Variants in NTRK3 observed in about 807,000 individuals in gnomAD.
NTRK3 encodes NT-3 growth factor receptor.
In NTRK3, 24 loss-of-function variants were observed where a neutral mutation model predicts 91.7. That is an observed-to-expected ratio of 0.26 (90% confidence interval 0.19 to 0.37). The LOEUF (loss-of-function observed/expected upper bound fraction) is 0.37. Among genes scored for constraint, NTRK3 ranks in the 10% least tolerant of loss-of-function variants. The pLI is 1.00. For synonymous variants in NTRK3, 483 were observed against 404.0 expected, an observed-to-expected ratio of 1.20 and a Z score of -2.34; for missense variants, 880 against 1,068.9, an observed-to-expected ratio of 0.82 and a Z score of 2.46.
chr15:87,998,882 T>C (rs1386576403), intron 14 of NTRK3, among the ~76,000 whole-genome samples: 3 of 152,146 alleles, frequency 2.0e-5, no homozygotes, highest in Non-Finnish European at 4.4e-5. Flanking sequence ...TGGAAAGAAA[T>C]GCCTTGCTGG....
At chr15:88,163,549 T>C (rs1030517809) in intron 5 of NTRK3, among the ~76,000 whole-genome samples, 2 of 152,350 alleles carry the variant, frequency 1.3e-5, no homozygotes, top group Non-Finnish European at 2.9e-5. Context: ...ATGGAGGGAA[T>C]CCTGGAGTAA....
intron 17 of NTRK3, among the ~76,000 whole-genome samples, chr15:87,911,929 A>G (rs1024397280): frequency 4.6e-5 from 7 of 152,226 alleles, no homozygotes; most frequent in African/African-American, 1.7e-4. Flanking sequence ...TGTCAATCAA[A>G]GTTCTTGAGA....
At chr15:88,114,731 G>T (rs753935356) in intron 13 of NTRK3, among the ~76,000 whole-genome samples, 1 of 152,160 alleles carries the variant, frequency 6.6e-6, no homozygotes, top group Non-Finnish European at 1.5e-5. Context: ...CTAAGTAATG[G>T]TTATCCCAGT....
In NTRK3 at chr15:88,241,915, C is replaced by A. The variant is rs1466308935; in HGVS notation, c.248+13991G>T. On this transcript the variant is annotated intron_variant, in intron 3 of 18. Coordinates refer to ENST00000394480, the Ensembl canonical transcript of NTRK3. The surrounding 1 kb of genome is among the most constrained non-coding windows in gnomAD (Gnocchi z 4.3). ...AGAGTTGCTGCTCGGCTGCACACAT[C>A]CTAGAACGACAATGGAGACCTAGGG... 6.6e-6 allele frequency among the ~76,000 whole-genome samples: 1 copy of A among 152,192 alleles called. No individual in the cohort carries two copies. Among genetic ancestry groups the A allele is most frequent in the Non-Finnish European group, 1.5e-5 (1 of 68,036 alleles).
chr15:88,130,796 G>C (rs548576388), intron 10 of NTRK3, among the ~76,000 whole-genome samples: 31 of 152,314 alleles, frequency 2.0e-4, no homozygotes, highest in African/African-American at 6.3e-4. Context: ...ACTCAACGCA[G>C]TGTGTAATTC....
intron 17 of NTRK3, among the ~76,000 whole-genome samples, chr15:87,914,365 C>A (rs2067300342): frequency 6.6e-6 from 1 of 152,134 alleles, no homozygotes; most frequent in African/African-American, 2.4e-5. Flanking sequence ...GAATCAGATC[C>A]AGCTGGCTTT....
At chr15:87,948,294 T>C (rs1194057997) in intron 14 of NTRK3, among the ~76,000 whole-genome samples, 2 of 152,242 alleles carry the variant, frequency 1.3e-5, no homozygotes, top group African/African-American at 4.8e-5. Flanking sequence ...GAGGATCTCC[T>C]GGTTTCCTGT....
chr15:87,886,019 AC>A (rs368837606), intron 17 of NTRK3, among the ~76,000 whole-genome samples: 72 of 152,194 alleles, frequency 4.7e-4, no homozygotes, highest in African/African-American at 1.3e-3. Flanking sequence ...AGGAAAAGCA[AC>A]CCAGCAGAAA....
intron 17 of NTRK3, among the ~76,000 whole-genome samples, chr15:87,904,852 T>G (rs982433214): frequency 6.6e-6 from 1 of 152,198 alleles, no homozygotes; most frequent in African/African-American, 2.4e-5. Flanking sequence ...TGTGTTGAGA[T>G]GCGTTAATAT....
rs554117271 is a variant in NTRK3 at position 88,255,501 on chromosome 15, G to T, written c.248+405C>A. Among the ~76,000 whole-genome samples, 25 of 152,296 alleles carry T rather than the reference G, an allele frequency of 1.6e-4. No individual in the cohort carries two copies. The highest frequency in any genetic ancestry group is 2.8e-4 in the Non-Finnish European group (19 of 68,020). ...TGCCGCCGCTGCCACCGCCGCTGCC[G>T]CCTCTGCCAAAGAATCGAACCTCGT... is the stretch of plus-strand genomic sequence containing the variant. On this transcript the variant is annotated intron_variant, in intron 3 of 18. Coordinates refer to ENST00000394480, the Ensembl canonical transcript of NTRK3. The surrounding 1 kb of genome is among the most constrained non-coding windows in gnomAD (Gnocchi z 4.3).
At chr15:87,946,649 C>CTCAT (rs1224172592) in intron 14 of NTRK3, among the ~76,000 whole-genome samples, 1 of 152,166 alleles carries the variant, frequency 6.6e-6, no homozygotes, top group Non-Finnish European at 1.5e-5. Flanking sequence ...TCTTCCCTGG[C>CTCAT]TCATGTTGAT....
At chr15:87,956,543 G>C (rs1169395654) in intron 14 of NTRK3, among the ~76,000 whole-genome samples, 2 of 151,806 alleles carry the variant, frequency 1.3e-5, no homozygotes, top group Non-Finnish European at 2.9e-5. Context: ...CGAAGTGCTA[G>C]GATTACAGGC....
chr15:88,249,543 C>T (rs1219310209), intron 3 of NTRK3, among the ~76,000 whole-genome samples: 1 of 152,152 alleles, frequency 6.6e-6, no homozygotes, highest in African/African-American at 2.4e-5. Flanking sequence ...CCACTCTGGG[C>T]CCTTGGACCC....
At chr15:87,925,819 G>A (rs922651271) in intron 17 of NTRK3, among the ~76,000 whole-genome samples, 1 of 152,206 alleles carries the variant, frequency 6.6e-6, no homozygotes, top group African/African-American at 2.4e-5. Context: ...GCATGATCCA[G>A]TTTATCTTCT....
Position 88,197,268 on chromosome 15 carries a change from C to G in NTRK3, c.249-12969G>C, listed in dbSNP as rs1218237348. On this transcript the variant is annotated intron_variant, in intron 3 of 18. Transcript: ENST00000394480. ...ATTCAAGTCCCATCAGTCCCTCCTT[C>G]CTGATATTGCAAGTAACTTCCCTTG... 3.3e-5 allele frequency among the ~76,000 whole-genome samples: 5 copies of G among 152,242 alleles called. No homozygotes were observed. The East Asian group carries it at 9.7e-4, about 29-fold the overall frequency.
At chr15:87,986,537 T>C (rs940684184) in intron 14 of NTRK3, among the ~76,000 whole-genome samples, 6 of 152,238 alleles carry the variant, frequency 3.9e-5, no homozygotes, top group African/African-American at 1.4e-4. Context: ...AACCAAATTA[T>C]AGTTTTGTTC....
intron 8 of NTRK3, among the ~76,000 whole-genome samples, 179 bp from the exon 9 acceptor site, chr15:88,136,219 C>T (rs762017579): frequency 7.9e-5 from 12 of 152,254 alleles, no homozygotes; most frequent in Non-Finnish European, 1.8e-4. Flanking sequence ...TCAGGCCATC[C>T]TCCTATTAAC....
At chr15:87,929,066 G>T in intron 17 of NTRK3, 125 bp downstream of exon 17, 2 of 1,393,694 alleles carry the variant, frequency 1.4e-6, no homozygotes, top group South Asian at 1.2e-5. Flanking sequence ...ACTGTTGAGT[G>T]CATGTCTGGG....
intron 17 of NTRK3, among the ~76,000 whole-genome samples, chr15:87,895,802 TTTTA>T (rs996000267): frequency 3.9e-4 from 59 of 151,392 alleles, no homozygotes; most frequent in African/African-American, 1.2e-3. Context: ...TTTTATTTTA[TTTTA>T]TTTATTTATT....
Sources: gnomAD v4.1 joint callset for allele counts (sites outside exome capture counted in the v4.1 genomes callset) on GRCh38, gnomAD v4.1.1 for gene constraint, Gnocchi (gnomAD v3.1) non-coding constraint, MANE v1.5 for transcripts, NCBI Gene and HGNC (gene_info 2026-07-23, HGNC 2026-07-21) for gene names.